ZFHX3: variants seen among roughly 807,000 people sequenced by gnomAD.
ZFHX3 encodes the protein zinc finger homeobox protein 3.
In ZFHX3, 42 loss-of-function variants were observed where a neutral mutation model predicts 279.1. The observed-to-expected ratio is 0.15, with a 90% CI of 0.12 to 0.19. The LOEUF is 0.19. ZFHX3 is among the 10% of genes least tolerant of loss of function. ZFHX3 has a pLI of 1.00. For synonymous variants in ZFHX3, 2,293 were observed against 1,957.8 expected, an observed-to-expected ratio of 1.17 and a Z score of -4.52; for missense variants, 4,981 against 4,754.0, an observed-to-expected ratio of 1.05 and a Z score of -1.40.
chr16:72,852,739 T>C (rs1286496911), intron 4 of ZFHX3, among the ~76,000 whole-genome samples: 3 of 152,232 alleles, frequency 2.0e-5, no homozygotes, highest in Admixed American at 6.5e-5. Flanking sequence ...CTCTGTAATG[T>C]TGAATGCTCA....
At chr16:73,699,609 T>A (rs1305991609) in intron 1 of ZFHX3, among the ~76,000 whole-genome samples, 1 of 152,252 alleles carries the variant, frequency 6.6e-6, no homozygotes. Context: ...TATTAAGTAC[T>A]TACTCTCCCA....
intron 2 of ZFHX3, chr16:73,499,659 G>C (rs1480027290): frequency 6.6e-6 from 1 of 152,226 alleles, no homozygotes; most frequent in Non-Finnish European, 1.5e-5. Context: ...ACAGATGTAT[G>C]AGGGGATCTT....
At chr16:73,094,198 C>G (rs928549561) in intron 7 of ZFHX3, among the ~76,000 whole-genome samples, 7 of 152,172 alleles carry the variant, frequency 4.6e-5, no homozygotes, top group Non-Finnish European at 7.3e-5. Flanking sequence ...TTTTTGGAAA[C>G]ACAGGCATAG....
chr16:73,713,677 C>A (rs1455933206), intron 1 of ZFHX3, among the ~76,000 whole-genome samples: 3 of 148,490 alleles, frequency 2.0e-5, no homozygotes, highest in African/African-American at 7.6e-5. Context: ...ACATCTATTT[C>A]TTTTCAGAAG....
chr16:72,915,532 A>C (rs946230005), intron 3 of ZFHX3, among the ~76,000 whole-genome samples: 5 of 152,302 alleles, frequency 3.3e-5, no homozygotes, highest in African/African-American at 1.2e-4. Flanking sequence ...CTGGATGCCA[A>C]GGCTCAAGAG....
At chr16:73,483,730 A>T (rs562899976) in intron 2 of ZFHX3, among the ~76,000 whole-genome samples, 2 of 152,166 alleles carry the variant, frequency 1.3e-5, no homozygotes, top group East Asian at 3.9e-4. Context: ...GGCTCGACAC[A>T]GTTTCGCTAT....
intron 5 of ZFHX3, among the ~76,000 whole-genome samples, chr16:72,824,128 A>G (rs1184147569): frequency 6.6e-6 from 1 of 152,106 alleles, no homozygotes; most frequent in Admixed American, 6.6e-5. Flanking sequence ...CTTTTTTTCA[A>G]CCTCAGTAAT....
In ZFHX3 at chr16:73,191,147, T is replaced by G. The variant is rs544071866; in HGVS notation, c.-1103-47316A>C. On this transcript the variant is annotated intron_variant, in intron 5 of 17. Coordinates refer to the ZFHX3 transcript ENST00000641206. ...TGCAGGAGCTGTTTCATCAGGATTC[T>G]GTGGGCTTTCTATGCAACCCCTCTT... Among the ~76,000 whole-genome samples, 115 of 152,254 alleles carry G rather than the reference T, an allele frequency of 7.6e-4. 1 individual carries two copies. Among genetic ancestry groups the G allele is most frequent in the Non-Finnish European group, 1.2e-3 (84 of 68,026 alleles).
chr16:73,097,786 T>C (rs1966183709), intron 7 of ZFHX3, among the ~76,000 whole-genome samples: 1 of 152,236 alleles, frequency 6.6e-6, no homozygotes, highest in South Asian at 2.1e-4. Context: ...TCCGTCTCTA[T>C]GAATTTGCTA....
chr16:73,285,187 A>T (rs189915294), intron 4 of ZFHX3, among the ~76,000 whole-genome samples: 1 of 152,136 alleles, frequency 6.6e-6, no homozygotes. Context: ...TCTCTTTGCT[A>T]GTTTTGGTTG....
intron 3 of ZFHX3, among the ~76,000 whole-genome samples, chr16:72,932,851 T>A (rs1431373503): frequency 5.9e-5 from 9 of 152,156 alleles, no homozygotes; most frequent in African/African-American, 2.2e-4. Flanking sequence ...TCTAGGTGCA[T>A]TTCATGTATT....
At chr16:73,631,492 A>G (rs563511761) in intron 2 of ZFHX3, among the ~76,000 whole-genome samples, 60 of 152,336 alleles carry the variant, frequency 3.9e-4, no homozygotes, top group African/African-American at 1.4e-3. Flanking sequence ...TATATAAATT[A>G]CAAATCTATG....
intron 2 of ZFHX3, among the ~76,000 whole-genome samples, chr16:73,586,729 A>C (rs1485858820): frequency 6.6e-6 from 1 of 152,210 alleles, no homozygotes; most frequent in Non-Finnish European, 1.5e-5. Context: ...CAGACAGAAG[A>C]TCAACAAATA....
At chr16:73,346,964 T>C (rs1210629501) in intron 3 of ZFHX3, among the ~76,000 whole-genome samples, 1 of 152,206 alleles carries the variant, frequency 6.6e-6, no homozygotes, top group Non-Finnish European at 1.5e-5. Context: ...TCATGTTCAC[T>C]ATAAGGAGGT....
intron 5 of ZFHX3, among the ~76,000 whole-genome samples, chr16:73,159,495 G>C (rs1346149993): frequency 6.6e-6 from 1 of 152,108 alleles, no homozygotes; most frequent in East Asian, 1.9e-4. Flanking sequence ...ACCATGTGAA[G>C]AAGCTTGGGG....
chr16:73,341,090 C>T (rs2016023663), intron 3 of ZFHX3, among the ~76,000 whole-genome samples: 1 of 152,096 alleles, frequency 6.6e-6, no homozygotes, highest in African/African-American at 2.4e-5. Context: ...CACTTGTAAT[C>T]CCAGCACTTT....
At chr16:73,199,908 A>C (rs1438789588) in intron 5 of ZFHX3, among the ~76,000 whole-genome samples, 3 of 152,254 alleles carry the variant, frequency 2.0e-5, no homozygotes, top group African/African-American at 7.2e-5. Context: ...TCTTAGTGAA[A>C]AAAAAGAAAG....
In ZFHX3 at chr16:72,811,888, G is replaced by C. The variant is rs2143593592; in HGVS notation, c.3663+17C>G. The C allele has an allele frequency of 6.2e-7, 1 of 1,612,232 alleles. No individual in the cohort carries two copies. Among genetic ancestry groups the C allele is most frequent in the Non-Finnish European group, 8.5e-7 (1 of 1,179,064 alleles). ...AACACCTCACCTCCCCACCAGCAGA[G>C]TCCCTTCCAGCCTCACCTGCTCCGG... On this transcript the variant is annotated intron_variant, in intron 6 of 9. Coordinates refer to ENST00000268489, the MANE Select transcript of ZFHX3 (RefSeq NM_006885.4).
At chr16:73,036,807 T>C (rs1001467472) in intron 1 of ZFHX3, among the ~76,000 whole-genome samples, 1 of 152,102 alleles carries the variant, frequency 6.6e-6, no homozygotes, top group African/African-American at 2.4e-5. Context: ...CCCTTTGTCT[T>C]TGAGGATTTA....
Sources: gnomAD v4.1 joint callset for allele counts (sites outside exome capture counted in the v4.1 genomes callset) on GRCh38, gnomAD v4.1.1 for gene constraint, MANE v1.5 for transcripts, NCBI Gene and HGNC (gene_info 2026-07-23, HGNC 2026-07-21) for gene names.